Variants in MEGF10 observed in about 807,000 individuals in gnomAD.
MEGF10 encodes the protein multiple epidermal growth factor-like domains protein 10.
MEGF10 carries 86 observed loss-of-function variants against 147.5 expected under a neutral mutation model. That is an observed-to-expected ratio of 0.58 (90% CI 0.49 to 0.70). The LOEUF (loss-of-function observed/expected upper bound fraction) is 0.70, where lower values mean the gene tolerates loss of function less well. Ranked by LOEUF, MEGF10 falls within the 30% of genes least tolerant of loss-of-function variation. MEGF10 has a pLI of 0.00. For missense variants in MEGF10, 1,329 were observed against 1,487.3 expected (o/e 0.89, Z 1.75); for synonymous variants, 478 against 525.5 (o/e 0.91, Z 1.24).
the MEGF10 span, among the ~76,000 whole-genome samples, chr5:127,250,245 A>G: frequency 1.3e-5 from 2 of 152,056 alleles, no homozygotes; most frequent in Non-Finnish European, 2.9e-5. Context: ...TCAAGAAGAG[A>G]CAGTAATCTT....
chr5:127,351,091 G>A (rs984096029), intron 4 of MEGF10, among the ~76,000 whole-genome samples: 33 of 152,188 alleles, frequency 2.2e-4, no homozygotes, highest in African/African-American at 7.7e-4. Flanking sequence ...GCACAACAGG[G>A]TGATTATAGT....
At chr5:127,401,843 G>A (rs1764146064) in intron 7 of MEGF10, among the ~76,000 whole-genome samples, 1 of 152,178 alleles carries the variant, frequency 6.6e-6, no homozygotes, top group African/African-American at 2.4e-5. Flanking sequence ...CCTCTAGGGT[G>A]AGGAGAAATA....
Position 127,433,396 on chromosome 5 carries a change from GC to G in MEGF10, c.1728del (p.Trp577GlyfsTer172). ...VHCDSVCAEG[R>X]WGPNCSLPCY... is the part of the protein sequence containing the mutation. ...TGTGACAGCGTGTGTGCTGAGGGAC[GC>G]TGGGGCCCCAACTGCTCCCTGCCCT... On this transcript the variant is annotated frameshift_variant, in exon 14 of 25. Transcript: ENST00000503335. LOFTEE classifies it high-confidence loss of function. The G allele has an allele frequency of 6.2e-7, 1 of 1,614,116 alleles. No homozygotes were observed. The highest frequency in any genetic ancestry group is 8.5e-7 in the Non-Finnish European group (1 of 1,180,002).
intron 5 of MEGF10, among the ~76,000 whole-genome samples, chr5:127,374,292 C>G (rs1020326747): frequency 2.0e-5 from 3 of 152,232 alleles, no homozygotes; most frequent in Non-Finnish European, 2.9e-5. Context: ...TGGAAAAACT[C>G]CTTTTGCAAT....
the MEGF10 span, among the ~76,000 whole-genome samples, chr5:127,272,189 T>A: frequency 6.6e-5 from 10 of 152,216 alleles, no homozygotes; most frequent in Non-Finnish European, 1.5e-4. Context: ...AAATAGGGAA[T>A]CCTTTCTCCA....
chr5:127,268,147 A>T, the MEGF10 span, among the ~76,000 whole-genome samples: 1 of 151,808 alleles, frequency 6.6e-6, no homozygotes, highest in Non-Finnish European at 1.5e-5. Flanking sequence ...TTCAAAGAAC[A>T]TCTATTTCTG....
the MEGF10 span, among the ~76,000 whole-genome samples, chr5:127,265,382 G>A: frequency 6.6e-6 from 1 of 152,092 alleles, no homozygotes; most frequent in Non-Finnish European, 1.5e-5. Flanking sequence ...ATAAACATAG[G>A]TGTGCCTGTG....
At chr5:127,340,772 G>T (rs770562813) in intron 4 of MEGF10, 142 bp downstream of exon 4, 33 of 635,788 alleles carry the variant, frequency 5.2e-5, no homozygotes, top group African/African-American at 1.3e-4. Flanking sequence ...CTTTTCCTTG[G>T]CTTGTGTAAT....
At chr5:127,301,933 C>T (rs1561556908) in intron 1 of MEGF10, among the ~76,000 whole-genome samples, 1 of 152,132 alleles carries the variant, frequency 6.6e-6, no homozygotes, top group Non-Finnish European at 1.5e-5. Context: ...AAAATGTAGT[C>T]TCTGATAGAA....
chr5:127,415,215 A>C (rs761924363), intron 9 of MEGF10, among the ~76,000 whole-genome samples: 11 of 152,178 alleles, frequency 7.2e-5, no homozygotes, highest in Admixed American at 1.3e-4. Flanking sequence ...ATTTAGGGTG[A>C]TTGTATATCA....
In MEGF10 at chr5:127,433,496, C is replaced by T; in HGVS notation, c.1827C>T (p.Thr609=). The change falls in exon 14 of 25, where the codon ACC becomes ACT. Residue 609 remains threonine, a synonymous_variant. Transcript: ENST00000503335. ...ICECAPGFRG[T]TCQRICSPGF... is the part of the protein sequence containing the mutation. ...AGTGTGCACCAGGCTTCCGAGGCACCACTTGTCAGAGGAGTAAGTGTCTCA... is the reference window on the plus strand; with the variant it reads ...AGTGTGCACCAGGCTTCCGAGGCACTACTTGTCAGAGGAGTAAGTGTCTCA... 1.2e-6 allele frequency: 2 copies of T among 1,607,502 alleles called. No individual in the cohort carries two copies. Among genetic ancestry groups the T allele is most frequent in the Non-Finnish European group, 1.7e-6 (2 of 1,176,752 alleles).
At chr5:127,286,897 C>A (rs1264581278), upstream of MEGF10, among the ~76,000 whole-genome samples, 1 of 151,608 alleles carries the variant, frequency 6.6e-6, no homozygotes, top group Non-Finnish European at 1.5e-5. Flanking sequence ...ACACAAATAT[C>A]CTGAACAAAT....
chr5:127,311,711 T>C (rs1015579961), intron 1 of MEGF10, among the ~76,000 whole-genome samples: 3 of 152,218 alleles, frequency 2.0e-5, no homozygotes, highest in Non-Finnish European at 4.4e-5. Context: ...TCTTTTCAAA[T>C]GAACTGTAGT....
Position 127,369,895 on chromosome 5 carries a change from T to C in MEGF10, c.320-15T>C. On this transcript the variant is annotated splice_polypyrimidine_tract_variant and intron_variant, in intron 4 of 24. Coordinates refer to ENST00000503335, the MANE Select transcript of MEGF10 (RefSeq NM_001256545.2). ...GTGCCAACTTTCTTTATTTGATTGA[T>C]TTTCTCTCTGACAGCCCACTGTGCT... is the stretch of plus-strand genomic sequence containing the variant. 1 of 1,592,036 alleles carries C rather than the reference T, an allele frequency of 6.3e-7. No homozygotes were observed. The highest frequency in any genetic ancestry group is 1.4e-5 in the African/African-American group (1 of 73,984).
At chr5:127,375,022 A>G (rs1470286382) in intron 5 of MEGF10, among the ~76,000 whole-genome samples, 1 of 152,150 alleles carries the variant, frequency 6.6e-6, no homozygotes, top group Non-Finnish European at 1.5e-5. Flanking sequence ...CAACTTCATT[A>G]CTGTCATGGG....
At chr5:127,248,900 A>T in the MEGF10 span, among the ~76,000 whole-genome samples, 3 of 120,506 alleles carry the variant, frequency 2.5e-5, no homozygotes, top group Admixed American at 2.2e-4. Context: ...ATTGAAAAGT[A>T]AAAAAAAAAA....
intron 9 of MEGF10, among the ~76,000 whole-genome samples, chr5:127,414,076 C>T (rs565031818): frequency 2.0e-5 from 3 of 152,258 alleles, no homozygotes; most frequent in African/African-American, 7.2e-5. Context: ...TTTCTTTTCC[C>T]TTTATCAAAT....
chr5:127,274,943 T>C, the MEGF10 span, among the ~76,000 whole-genome samples: 3 of 152,186 alleles, frequency 2.0e-5, no homozygotes, highest in Non-Finnish European at 4.4e-5. Flanking sequence ...TTTTGTGTAA[T>C]AACAGTAATA....
At chr5:127,424,468 C>A in intron 13 of MEGF10, 1 of 1,310,456 alleles carries the variant, frequency 7.6e-7, no homozygotes, top group Non-Finnish European at 1.0e-6. Flanking sequence ...GGAATACTGT[C>A]CACTTAACAA....
Sources: gnomAD v4.1 joint callset for allele counts (sites outside exome capture counted in the v4.1 genomes callset) on GRCh38, gnomAD v4.1.1 for gene constraint, MANE v1.5 for transcripts, NCBI Gene and HGNC (gene_info 2026-07-23, HGNC 2026-07-21) for gene names.